Variants in AGAP1 observed in about 807,000 individuals in gnomAD.
AGAP1 encodes arf-GAP with GTPase, ANK repeat and PH domain-containing protein 1.
In AGAP1, 29 loss-of-function variants were observed where a neutral mutation model predicts 105.3. That is an observed-to-expected ratio of 0.28 (90% CI 0.21 to 0.38). AGAP1 has a LOEUF of 0.38. Ranked by LOEUF, AGAP1 falls within the 10% of genes least tolerant of loss-of-function variation. AGAP1 has a pLI of 1.00. For missense variants in AGAP1, 998 were observed against 1,165.1 expected, an observed-to-expected ratio of 0.86 and a Z score of 2.09; for synonymous variants, 509 against 485.9, an observed-to-expected ratio of 1.05 and a Z score of -0.63.
In AGAP1 at chr2:235,908,749, G is replaced by T; in HGVS notation, c.1167G>T (p.Gln389His). ...TYHPSLHDYM[Q>H]NVHGKEIDLL... ...AACATTTTCAACAGGATTACATGCA[G>T]AATGTTCATGGTAAGGAGATTGACC... The change falls in exon 11 of 18, where the codon CAG (glutamine) becomes CAT (histidine). Residue 389 changes from glutamine to histidine, a missense_variant. This residue lies in a region of AGAP1 where 735 missense variants were observed against 833.4 expected (regional missense o/e 0.88). Transcript: ENST00000304032. This position sits in a 1 kb window ranked among gnomAD's most constrained non-coding sequence, Gnocchi z 4.4. The T allele has an allele frequency of 6.2e-7, 1 of 1,606,918 alleles. No homozygotes were observed. The highest frequency in any genetic ancestry group is 8.5e-7 in the Non-Finnish European group (1 of 1,176,734).
intron 6 of AGAP1, chr2:235,774,425 C>T (rs755994516): frequency 2.1e-6 from 1 of 467,820 alleles, no homozygotes; most frequent in South Asian, 1.6e-5. Context: ...CCTTCCATCA[C>T]GGCAGGCAGT....
At chr2:235,511,427 A>C (rs889261622) in intron 1 of AGAP1, among the ~76,000 whole-genome samples, 1 of 152,024 alleles carries the variant, frequency 6.6e-6, no homozygotes, top group African/African-American at 2.4e-5. Context: ...GGGCTCAGCC[A>C]GCTCCTGGCC....
In AGAP1 at chr2:235,679,247, T is replaced by A. The variant is rs188241731; in HGVS notation, c.164-29932T>A. ...GTGCCAGTAAACAGATATGTCACTG[T>A]GCAGCCCAGCACCATATCTTTGCTT... On this transcript the variant is annotated intron_variant, in intron 1 of 17. Transcript: ENST00000304032. Among the ~76,000 whole-genome samples, 321 of 152,364 alleles carry A rather than the reference T, an allele frequency of 2.1e-3. 3 individuals are homozygous for A. Among genetic ancestry groups the A allele is most frequent in the Non-Finnish European group, 3.0e-3 (203 of 68,038 alleles).
intron 9 of AGAP1, among the ~76,000 whole-genome samples, chr2:235,860,079 T>C: frequency 6.6e-6 from 1 of 152,200 alleles, no homozygotes; most frequent in East Asian, 1.9e-4. Context: ...TCTCAGTTTG[T>C]TTTCTTCTTC....
chr2:236,094,485 G>A (rs1365410997), intron 16 of AGAP1, among the ~76,000 whole-genome samples: 1 of 151,624 alleles, frequency 6.6e-6, no homozygotes, highest in Non-Finnish European at 1.5e-5. Context: ...CTGAGTAGCT[G>A]CAAATACAGG....
rs1447876146 is a variant in AGAP1, at chr2:236,096,220, G to A, written c.2115-23972G>A. ...CTCATTAAAAGCTCCTGGAATGTCA[G>A]CCAGGCACAGTGGCTCACGCCTGTA... is the stretch of plus-strand genomic sequence containing the variant. On this transcript the variant is annotated intron_variant, in intron 16 of 17. Transcript: ENST00000304032. The surrounding 1 kb of genome is among the most constrained non-coding windows in gnomAD (Gnocchi z 4.4). 6.6e-6 allele frequency among the ~76,000 whole-genome samples: 1 copy of A among 152,188 alleles called. No individual in the cohort carries two copies.
intron 13 of AGAP1, among the ~76,000 whole-genome samples, chr2:235,990,300 G>A (rs757732671): frequency 1.8e-4 from 28 of 152,140 alleles, no homozygotes; most frequent in Non-Finnish European, 3.8e-4. Flanking sequence ...GTGTCCAGCC[G>A]CACCTTCCAG....
At chr2:235,823,213 C>G (rs112766287) in intron 9 of AGAP1, among the ~76,000 whole-genome samples, 91 of 152,136 alleles carry the variant, frequency 6.0e-4, no homozygotes, top group African/African-American at 2.1e-3. Context: ...TGTAACATAT[C>G]ATTATGTATT....
At chr2:235,694,741 C>CG (rs1190002952) in intron 1 of AGAP1, among the ~76,000 whole-genome samples, 4 of 152,180 alleles carry the variant, frequency 2.6e-5, no homozygotes, top group African/African-American at 4.8e-5. Context: ...GGGCACCTTT[C>CG]GGGGCAAGTC....
intron 6 of AGAP1, among the ~76,000 whole-genome samples, chr2:235,779,884 A>G (rs1559477805): frequency 6.6e-6 from 1 of 152,242 alleles, no homozygotes; most frequent in Non-Finnish European, 1.5e-5. Context: ...TGCTTTGTAA[A>G]GGGCAGCAGC....
chr2:236,054,092 C>T (rs1216298752), intron 16 of AGAP1, among the ~76,000 whole-genome samples: 1 of 152,182 alleles, frequency 6.6e-6, no homozygotes, highest in Admixed American at 6.5e-5. Flanking sequence ...CAAGTCTGCC[C>T]AGTGATGTGA....
rs564493817 is a variant in AGAP1 at position 235,991,701 on chromosome 2, C to T, written c.1645+23078C>T. Among the ~76,000 whole-genome samples the T allele has an allele frequency of 3.3e-5, 5 of 152,324 alleles. No individual in the cohort carries two copies. In the South Asian group the frequency reaches 1.0e-3, roughly 32 times the overall value. ...CTAAGGCTCTTAAAGTGAAGGCAATCACATAAGGCTATCTTGCTTCATGGG... is the reference window on the plus strand; with the variant it reads ...CTAAGGCTCTTAAAGTGAAGGCAATTACATAAGGCTATCTTGCTTCATGGG... On this transcript the variant is annotated intron_variant, in intron 13 of 17. Transcript: ENST00000304032.
rs1449542507 is a variant in AGAP1 at position 235,557,111 on chromosome 2, G to T, written c.163+62262G>T. Among the ~76,000 whole-genome samples, 1 of 152,156 alleles carries T rather than the reference G, an allele frequency of 6.6e-6. No homozygotes were observed. Among genetic ancestry groups the T allele is most frequent in the Non-Finnish European group, 1.5e-5 (1 of 68,030 alleles). On this transcript the variant is annotated intron_variant, in intron 1 of 17. Coordinates refer to ENST00000304032, the MANE Select transcript of AGAP1 (RefSeq NM_001037131.3). The surrounding 1 kb of genome is among the most constrained non-coding windows in gnomAD (Gnocchi z 4.7). ...CTGGGGTGAGCTCTGGAGCCCGTGG[G>T]TCTGGTTGTCTTGCTGACCTGGTCT...
rs370389093 is a variant in AGAP1, at chr2:235,855,569, G to T, written c.1051-27776G>T. Among the ~76,000 whole-genome samples, 1 of 152,192 alleles carries T rather than the reference G, an allele frequency of 6.6e-6. No individual in the cohort carries two copies. The highest frequency in any genetic ancestry group is 1.9e-4 in the East Asian group (1 of 5,168). On this transcript the variant is annotated intron_variant, in intron 9 of 17. Transcript: ENST00000304032. This position sits in a 1 kb window ranked among gnomAD's most constrained non-coding sequence, Gnocchi z 5.0. ...CGAGCAATTTCTGCTTTAAATATAGGGTATCATTCTTTCCTTTAGATTCGT... is the reference window on the plus strand; with the variant it reads ...CGAGCAATTTCTGCTTTAAATATAGTGTATCATTCTTTCCTTTAGATTCGT...
chr2:235,760,244 TG>T (rs1954325654), intron 6 of AGAP1, among the ~76,000 whole-genome samples: 1 of 152,178 alleles, frequency 6.6e-6, no homozygotes, highest in East Asian at 1.9e-4. Flanking sequence ...CCAGGCATGG[TG>T]GCGTGTGCCT....
rs1173177765 is a variant in AGAP1, at chr2:235,769,824, T to C, written c.673+19336T>C. 1.3e-5 allele frequency among the ~76,000 whole-genome samples: 2 copies of C among 152,182 alleles called. No homozygotes were observed. Among genetic ancestry groups the C allele is most frequent in the African/African-American group, 4.8e-5 (2 of 41,448 alleles). ...CTGGCTTGTGTTAGCTGAGTTCTGCTTTGGCACAGGGGAGGGAGGACATGG... is the reference window on the plus strand; with the variant it reads ...CTGGCTTGTGTTAGCTGAGTTCTGCCTTGGCACAGGGGAGGGAGGACATGG... On this transcript the variant is annotated intron_variant, in intron 6 of 17. Coordinates refer to ENST00000304032, the MANE Select transcript of AGAP1 (RefSeq NM_001037131.3). The surrounding 1 kb of genome is among the most constrained non-coding windows in gnomAD (Gnocchi z 4.4).
intron 1 of AGAP1, among the ~76,000 whole-genome samples, chr2:235,688,920 A>G (rs898254781): frequency 7.9e-5 from 12 of 152,144 alleles, no homozygotes; most frequent in Admixed American, 2.0e-4. Flanking sequence ...ACAGTAACGC[A>G]ATTGCAGCAG....
At position 235,691,417 on chromosome 2, in the gene AGAP1, A is replaced by G. The variant is rs192825813; in HGVS notation, c.164-17762A>G. On this transcript the variant is annotated intron_variant, in intron 1 of 17. Transcript: ENST00000304032. The surrounding 1 kb of genome is among the most constrained non-coding windows in gnomAD (Gnocchi z 4.4). The stretch of plus-strand genomic sequence containing the variant: ...GTTACACGTCTCCGTTGCGAGAAGC[A>G]AAAGTAGATTTAACACATCTTTAAA... 3.9e-5 allele frequency among the ~76,000 whole-genome samples: 6 copies of G among 152,378 alleles called. No individual in the cohort carries two copies. Among genetic ancestry groups the G allele is most frequent in the Admixed American group, 3.9e-4 (6 of 15,306 alleles).
chr2:235,651,199 A>AAAAAAAAAC (rs1947578138), intron 1 of AGAP1, among the ~76,000 whole-genome samples: 1 of 116,102 alleles, frequency 8.6e-6, no homozygotes, highest in Non-Finnish European at 1.6e-5. Flanking sequence ...AAAAAAAAAA[A>AAAAAAAAAC]AAAAAAAAAA....
Sources: gnomAD v4.1 joint callset for allele counts (sites outside exome capture counted in the v4.1 genomes callset) on GRCh38, gnomAD v4.1.1 for gene constraint, gnomAD v4.1.1 regional missense constraint, Gnocchi (gnomAD v3.1) non-coding constraint, MANE v1.5 for transcripts, NCBI Gene and HGNC (gene_info 2026-07-23, HGNC 2026-07-21) for gene names.